BCAR3: variants seen among roughly 807,000 people sequenced by gnomAD.
BCAR3 encodes breast cancer anti-estrogen resistance protein 3.
Under a neutral mutation model 80.1 loss-of-function variants are expected in BCAR3, and 37 were observed. The ratio of observed to expected loss-of-function variants is 0.46; its 90% CI spans 0.36 to 0.61. The LOEUF is 0.61. Ranked by LOEUF, BCAR3 falls within the 20% of genes least tolerant of loss-of-function variation. BCAR3 has a pLI of 0.00. For synonymous variants in BCAR3, 389 were observed against 418.9 expected (o/e 0.93, Z 0.87); for missense variants, 978 against 1,068.2 (o/e 0.92, Z 1.18).
Position 93,562,057 on chromosome 1 carries a change from G to T in BCAR3, c.*184C>A. ...TAAATTATTCATTTTAAAATCAGTA[G>T]TAACTTTAGACAATTCATAAATAAG... On this transcript the variant is annotated 3_prime_UTR_variant, in exon 12 of 12. Coordinates refer to ENST00000260502, the MANE Select transcript of BCAR3 (RefSeq NM_003567.4). The T allele has an allele frequency of 2.1e-6, 1 of 482,622 alleles. No homozygotes were observed. Among genetic ancestry groups the T allele is most frequent in the Non-Finnish European group, 3.4e-6 (1 of 295,302 alleles). The allele number at this position is 482,622 out of a possible 1,614,324, so 29.9% of individuals were successfully genotyped here.
intron 2 of BCAR3, among the ~76,000 whole-genome samples, chr1:93,751,001 C>G (rs12240145): frequency 0.12 from 17,794 of 152,130 alleles, 1,461 homozygotes; most frequent in African/African-American, 0.22. Flanking sequence ...ATGCAGCCAT[C>G]GTAATCAGAA....
At chr1:93,721,244 G>C (rs953087239) in intron 2 of BCAR3, among the ~76,000 whole-genome samples, 1 of 152,142 alleles carries the variant, frequency 6.6e-6, no homozygotes, top group Non-Finnish European at 1.5e-5. Flanking sequence ...CTGCAGACTG[G>C]AGCCCAGGGC....
chr1:93,749,674 G>A (rs574104076), intron 2 of BCAR3, among the ~76,000 whole-genome samples: 3 of 151,506 alleles, frequency 2.0e-5, no homozygotes, highest in East Asian at 1.9e-4. Context: ...TTGCACAGGC[G>A]CCTTTACTAG....
intron 2 of BCAR3, among the ~76,000 whole-genome samples, chr1:93,741,378 C>T (rs141308755): frequency 1.7e-3 from 256 of 152,232 alleles, no homozygotes; most frequent in South Asian, 3.9e-3. Context: ...CTCACTGTGA[C>T]ACTTGTTAAC....
At chr1:93,569,289 C>T (rs1673107675) in intron 9 of BCAR3, among the ~76,000 whole-genome samples, 2 of 152,174 alleles carry the variant, frequency 1.3e-5, no homozygotes, top group South Asian at 4.1e-4. Flanking sequence ...AGGTAACTGC[C>T]CAAGGCTTCC....
chr1:93,814,549 T>C (rs1047141468), intron 2 of BCAR3, among the ~76,000 whole-genome samples: 2 of 152,218 alleles, frequency 1.3e-5, no homozygotes, highest in East Asian at 1.9e-4. Flanking sequence ...AAACCTCCAA[T>C]GGGCTTGGGC....
At chr1:93,788,999 C>A (rs573892983) in intron 2 of BCAR3, among the ~76,000 whole-genome samples, 81 of 151,794 alleles carry the variant, frequency 5.3e-4, no homozygotes, top group South Asian at 3.3e-3. Flanking sequence ...TTTTTTCTTC[C>A]TCTATCTTTC....
At chr1:93,752,248 T>C (rs4350209) in intron 2 of BCAR3, among the ~76,000 whole-genome samples, 105,484 of 152,150 alleles carry the variant, frequency 0.69, 37,798 homozygotes, top group African/African-American at 0.87. Context: ...TTCTGGTCTC[T>C]TGTCATGACT....
chr1:93,667,461 T>C (rs753549020), intron 2 of BCAR3, among the ~76,000 whole-genome samples: 4 of 152,260 alleles, frequency 2.6e-5, no homozygotes, highest in Non-Finnish European at 4.4e-5. Flanking sequence ...AGTTCACACA[T>C]CTAATAAGTG....
chr1:93,571,600 G>C, intron 9 of BCAR3, 70 bp downstream of exon 9: 1 of 1,572,380 alleles, frequency 6.4e-7, no homozygotes, highest in Non-Finnish European at 8.7e-7. Flanking sequence ...AAAATAGTCT[G>C]ATTTGCCAAA....
chr1:93,845,502 A>ATATATATATATCATGTTGTC, intron 2 of BCAR3: 3 of 113,822 alleles, frequency 2.6e-5, no homozygotes, highest in South Asian at 2.6e-4. Flanking sequence ...ATATATATAT[A>ATATATATATATCATGTTGTC]AAACTTTGTT....
At chr1:93,636,467 G>A (rs922416277) in intron 3 of BCAR3, among the ~76,000 whole-genome samples, 3 of 151,902 alleles carry the variant, frequency 2.0e-5, no homozygotes. Flanking sequence ...CGGTAGCCTG[G>A]AGAGCAGGCC....
intron 2 of BCAR3, among the ~76,000 whole-genome samples, chr1:93,728,825 C>T: frequency 6.6e-6 from 1 of 152,064 alleles, no homozygotes; most frequent in East Asian, 1.9e-4. Context: ...GCTAGGGTCT[C>T]AGGGTTTTTA....
chr1:93,731,753 G>A (rs1164572437), intron 2 of BCAR3, among the ~76,000 whole-genome samples: 4 of 152,212 alleles, frequency 2.6e-5, no homozygotes, highest in African/African-American at 9.6e-5. Flanking sequence ...GCATGGCTGA[G>A]AGATTACAAA....
intron 2 of BCAR3, among the ~76,000 whole-genome samples, chr1:93,708,050 C>T (rs995180319): frequency 5.3e-5 from 8 of 152,012 alleles, no homozygotes; most frequent in Non-Finnish European, 1.0e-4. Flanking sequence ...GGGAGGGGTG[C>T]GGGAGGGTTC....
chr1:93,601,812 G>C (rs1392837539), intron 3 of BCAR3, among the ~76,000 whole-genome samples: 1 of 152,194 alleles, frequency 6.6e-6, no homozygotes, highest in Non-Finnish European at 1.5e-5. Flanking sequence ...GAAGGGAGAG[G>C]AGGCTGGAGA....
chr1:93,579,408 C>A (rs1458830597), intron 7 of BCAR3, among the ~76,000 whole-genome samples: 2 of 152,188 alleles, frequency 1.3e-5, no homozygotes, highest in African/African-American at 4.8e-5. Context: ...TTCAACATAG[C>A]CCTGCCCTGG....
At chr1:93,787,840 G>T (rs940559869) in intron 2 of BCAR3, among the ~76,000 whole-genome samples, 5 of 152,134 alleles carry the variant, frequency 3.3e-5, no homozygotes, top group African/African-American at 1.2e-4. Flanking sequence ...TTGTTCTAGG[G>T]TGTAGTTTAA....
At chr1:93,821,475 C>T (rs766506311) in intron 2 of BCAR3, among the ~76,000 whole-genome samples, 8 of 152,208 alleles carry the variant, frequency 5.3e-5, no homozygotes, top group African/African-American at 7.2e-5. Flanking sequence ...GTACACATCA[C>T]GCTGTTTGCC....
Sources: allele counts gnomAD v4.1 joint callset (sites outside exome capture counted in the v4.1 genomes callset), GRCh38; gene constraint gnomAD v4.1.1; transcripts MANE v1.5; gene names NCBI Gene and HGNC (gene_info 2026-07-23, HGNC 2026-07-21).